MICAL2: variants seen among roughly 807,000 people sequenced by gnomAD.
MICAL2 encodes microtubule associated monooxygenase, calponin and LIM domain containing 2.
Under a neutral mutation model 127.3 loss-of-function variants are expected in MICAL2, and 77 were observed. The observed-to-expected ratio is 0.60, with a 90% CI of 0.50 to 0.73. The LOEUF (loss-of-function observed/expected upper bound fraction) is 0.73. Among genes scored for constraint, MICAL2 ranks in the 30% least tolerant of loss-of-function variants. MICAL2 has a pLI of 0.00. For synonymous variants in MICAL2, 570 were observed against 551.1 expected, an observed-to-expected ratio of 1.03 and a Z score of -0.48; for missense variants, 1,351 against 1,434.4, an observed-to-expected ratio of 0.94 and a Z score of 0.94.
At chr11:12,235,049 C>A (rs554166360) in intron 15 of MICAL2, among the ~76,000 whole-genome samples, 2 of 152,296 alleles carry the variant, frequency 1.3e-5, no homozygotes, top group African/African-American at 4.8e-5. Context: ...TGGGACATGG[C>A]TCCCTGGTTC....
At chr11:12,310,590 T>A (rs1000807162) in intron 29 of MICAL2, among the ~76,000 whole-genome samples, 3 of 152,204 alleles carry the variant, frequency 2.0e-5, no homozygotes, top group African/African-American at 7.2e-5. Flanking sequence ...GTAATATAAT[T>A]TGAAATCAAG....
At chr11:12,135,518 G>A (rs1851765927) in intron 1 of MICAL2, among the ~76,000 whole-genome samples, 1 of 152,172 alleles carries the variant, frequency 6.6e-6, no homozygotes, top group African/African-American at 2.4e-5. Context: ...AATGGGCTAA[G>A]TCCTTTATAG....
At chr11:12,281,231 G>C (rs560345209) in intron 2 of MICAL2, 54 of 396,950 alleles carry the variant, frequency 1.4e-4, no homozygotes, top group Non-Finnish European at 2.0e-4. Flanking sequence ...GTGGGGCTAG[G>C]ACCTTTGGGG....
intron 1 of MICAL2, among the ~76,000 whole-genome samples, chr11:12,131,299 C>CAAA (rs60340716): frequency 1.5e-3 from 20 of 13,656 alleles, no homozygotes; most frequent in East Asian, 6.1e-3. Context: ...GACTCCGTCT[C>CAAA]AAAAAAAAAA....
At chr11:12,178,724 C>CTT (rs1373043948) in intron 3 of MICAL2, among the ~76,000 whole-genome samples, 1 of 116,194 alleles carries the variant, frequency 8.6e-6, no homozygotes, top group African/African-American at 3.0e-5. Context: ...ATTATTATTA[C>CTT]TATTTTTTTT....
chr11:12,223,533 G>T, intron 12 of MICAL2, 32 bp downstream of exon 12: 1 of 1,584,494 alleles, frequency 6.3e-7, no homozygotes, highest in South Asian at 1.1e-5. Flanking sequence ...CTGGTGGGTG[G>T]CTGGGAAGAG....
chr11:12,299,229 T>A (rs1365546171), intron 29 of MICAL2, among the ~76,000 whole-genome samples: 1 of 152,194 alleles, frequency 6.6e-6, no homozygotes, highest in Admixed American at 6.6e-5. Context: ...ATCCTAAGAA[T>A]GTAAAGATTT....
chr11:12,330,066 G>A (rs750547511), intron 32 of MICAL2, among the ~76,000 whole-genome samples: 17 of 152,128 alleles, frequency 1.1e-4, no homozygotes, highest in Non-Finnish European at 2.5e-4. Flanking sequence ...GGTGACAGAT[G>A]CAGATCAACA....
intron 21 of MICAL2, among the ~76,000 whole-genome samples, chr11:12,246,949 A>T (rs986659098): frequency 6.6e-6 from 1 of 152,202 alleles, no homozygotes; most frequent in Non-Finnish European, 1.5e-5. Flanking sequence ...TTCCTATGAA[A>T]AAATTAGAGC....
At chr11:12,312,430 GAC>G (rs1162945308) in intron 29 of MICAL2, among the ~76,000 whole-genome samples, 15 of 150,650 alleles carry the variant, frequency 1.0e-4, no homozygotes, top group African/African-American at 3.4e-4. Context: ...ATTCTGTTAT[GAC>G]ACACTTTTAT....
chr11:12,289,722 C>T (rs907920316), downstream of MICAL2, among the ~76,000 whole-genome samples: 6 of 152,078 alleles, frequency 3.9e-5, no homozygotes, highest in Non-Finnish European at 5.9e-5. Context: ...GCGCGCACCA[C>T]CATGCCTGGC....
At chr11:12,247,554 C>T (rs959680299) in intron 21 of MICAL2, among the ~76,000 whole-genome samples, 2 of 152,204 alleles carry the variant, frequency 1.3e-5, no homozygotes, top group Admixed American at 1.3e-4. Flanking sequence ...ATGCAGGTCA[C>T]ACTGTGAGGC....
intron 32 of MICAL2, among the ~76,000 whole-genome samples, chr11:12,344,770 G>A (rs1334448012): frequency 6.7e-6 from 1 of 149,866 alleles, no homozygotes. Context: ...CAAAGTGCTG[G>A]GATTACAGGC....
chr11:12,299,144 G>A (rs1293194828), intron 29 of MICAL2, among the ~76,000 whole-genome samples: 2 of 152,200 alleles, frequency 1.3e-5, no homozygotes, highest in South Asian at 2.1e-4. Context: ...TTAGGTTAGA[G>A]TTAGCACTGG....
At chr11:12,152,082 G>T (rs894464596) in intron 2 of MICAL2, among the ~76,000 whole-genome samples, 59 of 149,970 alleles carry the variant, frequency 3.9e-4, no homozygotes, top group African/African-American at 1.4e-3. Context: ...GAGGCCAGGA[G>T]TTTGAGACCA....
chr11:12,273,138 C>G (rs556668248), upstream of MICAL2, among the ~76,000 whole-genome samples: 1 of 152,346 alleles, frequency 6.6e-6, no homozygotes, highest in East Asian at 1.9e-4. Context: ...GACACGCAGA[C>G]TGATCCCCGT....
chr11:12,177,527 A>G (rs548702370), intron 3 of MICAL2, among the ~76,000 whole-genome samples: 147 of 152,202 alleles, frequency 9.7e-4, no homozygotes, highest in Non-Finnish European at 1.7e-3. Flanking sequence ...CTATTTTTCC[A>G]TTTGTTTCCT....
At chr11:12,217,040 T>C (rs1321164634) in intron 8 of MICAL2, among the ~76,000 whole-genome samples, 3 of 152,206 alleles carry the variant, frequency 2.0e-5, no homozygotes, top group African/African-American at 7.2e-5. Flanking sequence ...TGCGACTTCA[T>C]GCTTAAGCAC....
intron 3 of MICAL2, among the ~76,000 whole-genome samples, chr11:12,193,616 G>T (rs1446500836): frequency 6.6e-6 from 1 of 152,190 alleles, no homozygotes. Context: ...TTCAAAGAAA[G>T]GTGGCAGAGA....
Sources: allele counts gnomAD v4.1 joint callset (sites outside exome capture counted in the v4.1 genomes callset), GRCh38; gene constraint gnomAD v4.1.1; transcripts MANE v1.5; gene names NCBI Gene and HGNC (gene_info 2026-07-23, HGNC 2026-07-21).